Variants in PRIM2 observed in about 807,000 individuals in gnomAD.
The protein encoded by PRIM2 is DNA primase subunit 2.
Under a neutral mutation model 67.3 loss-of-function variants are expected in PRIM2, and 39 were observed. The observed-to-expected ratio is 0.58, with a 90% CI of 0.45 to 0.76. The LOEUF is 0.76. Ranked by LOEUF, PRIM2 falls within the 30% of genes least tolerant of loss-of-function variation. PRIM2 has a pLI of 0.00. For synonymous variants in PRIM2, 143 were observed against 198.7 expected (o/e 0.72, Z 2.36); for missense variants, 398 against 598.7 (o/e 0.66, Z 3.50).
intron 7 of PRIM2, among the ~76,000 whole-genome samples, chr6:57,461,133 A>G (rs1243973573): frequency 4.6e-5 from 7 of 152,226 alleles, no homozygotes; most frequent in African/African-American, 1.7e-4. Flanking sequence ...ATGCAGAGAT[A>G]CTGTTTTGAA....
chr6:57,438,216 T>C (rs1016500224), intron 7 of PRIM2, among the ~76,000 whole-genome samples: 3 of 152,202 alleles, frequency 2.0e-5, no homozygotes, highest in African/African-American at 7.2e-5. Flanking sequence ...AAATTCACTT[T>C]TTAATATTGT....
chr6:57,350,635 C>T (rs1468611130), intron 5 of PRIM2, among the ~76,000 whole-genome samples: 1 of 152,070 alleles, frequency 6.6e-6, no homozygotes, highest in Non-Finnish European at 1.5e-5. Flanking sequence ...TTCTGAGGAC[C>T]AGCTGGTGAT....
In PRIM2 at chr6:57,614,851, A is replaced by AAT. The variant is rs1327651292; in HGVS notation, c.1230+8407_1230+8408dup. Among the ~76,000 whole-genome samples, 356 of 150,926 alleles carry AAT rather than the reference A, an allele frequency of 2.4e-3. 5 individuals carry two copies. Among genetic ancestry groups the AAT allele is most frequent in the East Asian group, 0.019 (96 of 5,142 alleles). ...GGCAACAGAGCGAGACTCTGTCTCA[A>AAT]ATATATATATATATGTATGTGTGTG... On this transcript the variant is annotated intron_variant, in intron 12 of 13. Transcript: ENST00000615550.
At chr6:57,494,854 T>A (rs1478906359) in intron 7 of PRIM2, among the ~76,000 whole-genome samples, 2 of 152,224 alleles carry the variant, frequency 1.3e-5, no homozygotes, top group African/African-American at 4.8e-5. Flanking sequence ...GCATCCTATG[T>A]AATGTTGGAT....
At chr6:57,312,520 C>T (rs942073384), upstream of PRIM2, among the ~76,000 whole-genome samples, 2 of 152,090 alleles carry the variant, frequency 1.3e-5, no homozygotes, top group African/African-American at 2.4e-5. Flanking sequence ...TGAACAGAAA[C>T]TCCCTCCCCA....
intron 9 of PRIM2, among the ~76,000 whole-genome samples, chr6:57,534,985 T>G (rs1293645700): frequency 1.3e-5 from 2 of 152,210 alleles, no homozygotes; most frequent in Admixed American, 1.3e-4. Context: ...GTTATCTTTT[T>G]AATGTCTGTA....
chr6:57,572,802 G>A (rs1348884821), intron 10 of PRIM2, among the ~76,000 whole-genome samples: 3 of 152,152 alleles, frequency 2.0e-5, no homozygotes, highest in Non-Finnish European at 4.4e-5. Context: ...TTTTGTGAAA[G>A]GTGAATTATT....
At chr6:57,323,144 G>A (rs925009670) in intron 3 of PRIM2, among the ~76,000 whole-genome samples, 2 of 151,810 alleles carry the variant, frequency 1.3e-5, no homozygotes, top group Admixed American at 1.3e-4. Context: ...GCACCGCCTG[G>A]TACCTAGTGA....
chr6:57,290,241 A>G, the PRIM2 span, among the ~76,000 whole-genome samples: 2 of 152,168 alleles, frequency 1.3e-5, no homozygotes, highest in African/African-American at 4.8e-5. Flanking sequence ...ACCAACAAAG[A>G]TCAAAAGAGA....
At position 57,506,237 on chromosome 6, in the gene PRIM2, G is replaced by GTGT. The variant is rs1171478007; in HGVS notation, c.694-1147_694-1145dup. On this transcript the variant is annotated intron_variant, in intron 7 of 13. Transcript: ENST00000615550. ...GTATTTTAAATTAGTAACTGTCGAC[G>GTGT]TGTTGACTCTTGTACAAAATTGGGA... 1.1e-3 allele frequency among the ~76,000 whole-genome samples: 165 copies of GTGT among 151,902 alleles called. 1 individual carries two copies. The highest frequency in any genetic ancestry group is 3.7e-3 in the African/African-American group (154 of 41,402).
chr6:57,400,523 C>T (rs1224015007), intron 7 of PRIM2, among the ~76,000 whole-genome samples: 1 of 152,136 alleles, frequency 6.6e-6, no homozygotes, highest in Non-Finnish European at 1.5e-5. Flanking sequence ...CTCTAGCTGC[C>T]TTTAACATAC....
chr6:57,558,614 A>T (rs1346868782), intron 10 of PRIM2, among the ~76,000 whole-genome samples: 1 of 152,042 alleles, frequency 6.6e-6, no homozygotes, highest in Non-Finnish European at 1.5e-5. Flanking sequence ...GATGCTGAGA[A>T]ATTACAGGTT....
the PRIM2 span, among the ~76,000 whole-genome samples, chr6:57,233,365 T>C: frequency 6.6e-6 from 1 of 152,212 alleles, no homozygotes. Context: ...CATAAAACAT[T>C]GTTCCTGAAT....
At chr6:57,374,361 T>G (rs1769677828) in intron 5 of PRIM2, among the ~76,000 whole-genome samples, 1 of 150,162 alleles carries the variant, frequency 6.7e-6, no homozygotes, top group African/African-American at 2.5e-5. Context: ...TGGCGCGATC[T>G]CGACTCACTG....
chr6:57,249,637 G>C, the PRIM2 span, among the ~76,000 whole-genome samples: 1 of 152,174 alleles, frequency 6.6e-6, no homozygotes, highest in African/African-American at 2.4e-5. Context: ...AGCTACTCAG[G>C]AGGCTGAGGC....
At chr6:57,263,114 GA>G in the PRIM2 span, among the ~76,000 whole-genome samples, 8 of 152,230 alleles carry the variant, frequency 5.3e-5, no homozygotes, top group African/African-American at 1.9e-4. Context: ...ACGTAAATAG[GA>G]AACCACATTT....
chr6:57,604,790 A>G (rs1435830335), intron 11 of PRIM2, among the ~76,000 whole-genome samples: 1 of 151,346 alleles, frequency 6.6e-6, no homozygotes. Context: ...TCCTGGGTTC[A>G]TGCCGTTCTC....
intron 7 of PRIM2, among the ~76,000 whole-genome samples, chr6:57,440,549 G>A (rs968257540): frequency 6.6e-6 from 1 of 152,190 alleles, no homozygotes; most frequent in East Asian, 1.9e-4. Flanking sequence ...GTAGTTGTTT[G>A]TAGATAGCTG....
intron 5 of PRIM2, among the ~76,000 whole-genome samples, chr6:57,337,177 G>A (rs1768283701): frequency 2.0e-5 from 3 of 152,064 alleles, no homozygotes; most frequent in Non-Finnish European, 4.4e-5. Context: ...AAATATATAT[G>A]CACCCAATAC....
Sources: allele counts gnomAD v4.1 joint callset (sites outside exome capture counted in the v4.1 genomes callset), GRCh38; gene constraint gnomAD v4.1.1; transcripts MANE v1.5; gene names NCBI Gene and HGNC (gene_info 2026-07-23, HGNC 2026-07-21).